The following SNTB1 variants were observed in gnomAD, a reference collection of about 807,000 sequenced individuals.
SNTB1 encodes syntrophin beta 1.
Under a neutral mutation model 48.9 loss-of-function variants are expected in SNTB1, and 36 were observed. That is an observed-to-expected ratio of 0.74 (90% CI 0.56 to 0.97). The LOEUF is 0.97. Ranked by LOEUF, SNTB1 falls within the 50% of genes least tolerant of loss-of-function variation. The pLI, the probability that SNTB1 is intolerant of heterozygous loss-of-function variation, is 0.00. For synonymous variants in SNTB1, 299 were observed against 294.6 expected (o/e 1.01, Z -0.15); for missense variants, 786 against 703.4 (o/e 1.12, Z -1.33).
At chr8:120,591,663 C>T (rs1253214425) in intron 3 of SNTB1, among the ~76,000 whole-genome samples, 1 of 152,148 alleles carries the variant, frequency 6.6e-6, no homozygotes, top group Admixed American at 6.6e-5. Flanking sequence ...CCTATTCTGG[C>T]ATCTCTTCTT....
intron 2 of SNTB1, among the ~76,000 whole-genome samples, chr8:120,674,290 A>C (rs187894317): frequency 6.6e-6 from 1 of 152,172 alleles, no homozygotes; most frequent in Admixed American, 6.5e-5. Context: ...TCATCAGTTC[A>C]TCCAGCCATC....
chr8:120,613,030 T>G (rs1191844482), intron 3 of SNTB1, among the ~76,000 whole-genome samples: 1 of 152,172 alleles, frequency 6.6e-6, no homozygotes, highest in Non-Finnish European at 1.5e-5. Context: ...AATATTGCAT[T>G]TTCTCACTCT....
chr8:120,635,018 A>AT (rs1348973144), intron 2 of SNTB1, among the ~76,000 whole-genome samples: 21 of 152,048 alleles, frequency 1.4e-4, no homozygotes, highest in Admixed American at 1.3e-3. Flanking sequence ...CACCCAGCTA[A>AT]TTTTTTTGGT....
intron 5 of SNTB1, among the ~76,000 whole-genome samples, chr8:120,544,714 T>C (rs1815347727): frequency 6.6e-6 from 1 of 152,108 alleles, no homozygotes; most frequent in Non-Finnish European, 1.5e-5. Context: ...TCTGAACTTC[T>C]CTGTTATTAC....
intron 2 of SNTB1, 22 bp from the exon 3 acceptor site, chr8:120,632,673 G>T: frequency 6.2e-7 from 1 of 1,609,824 alleles, no homozygotes; most frequent in Non-Finnish European, 8.5e-7. Context: ...CAGAGAGAAG[G>T]GTTAGAAAGT....
intron 2 of SNTB1, among the ~76,000 whole-genome samples, chr8:120,643,976 G>T (rs1260853226): frequency 6.6e-6 from 1 of 152,062 alleles, no homozygotes; most frequent in African/African-American, 2.4e-5. Flanking sequence ...GGCTCCACTA[G>T]GATACAAGGA....
intron 2 of SNTB1, chr8:120,655,169 TTAGAAAA>T: frequency 4.2e-6 from 1 of 238,572 alleles, no homozygotes; most frequent in Non-Finnish European, 8.4e-6. Flanking sequence ...CAGGAAAAAA[TTAGAAAA>T]CTTAAAAAAA....
At chr8:120,566,575 G>T (rs549565583) in intron 4 of SNTB1, among the ~76,000 whole-genome samples, 1 of 152,190 alleles carries the variant, frequency 6.6e-6, no homozygotes, top group Non-Finnish European at 1.5e-5. Context: ...AGCCCCAAAT[G>T]GACTCGGACA....
intron 1 of SNTB1, among the ~76,000 whole-genome samples, chr8:120,739,676 G>C (rs1819011116): frequency 6.6e-6 from 1 of 152,152 alleles, no homozygotes; most frequent in Non-Finnish European, 1.5e-5. Flanking sequence ...TTGGACTGGG[G>C]AATTAAACAC....
At chr8:120,543,679 C>T (rs1045792145) in intron 5 of SNTB1, among the ~76,000 whole-genome samples, 1 of 152,146 alleles carries the variant, frequency 6.6e-6, no homozygotes, top group Non-Finnish European at 1.5e-5. Context: ...GGCGGGGAGG[C>T]CTCCAAAGTT....
intron 2 of SNTB1, among the ~76,000 whole-genome samples, chr8:120,678,081 G>A (rs886201642): frequency 6.6e-6 from 1 of 151,806 alleles, no homozygotes; most frequent in African/African-American, 2.4e-5. Context: ...TTTATTCTAG[G>A]GTGAAAAAAA....
chr8:120,607,896 C>T (rs922454769), intron 3 of SNTB1, among the ~76,000 whole-genome samples: 5 of 152,226 alleles, frequency 3.3e-5, no homozygotes, highest in South Asian at 2.1e-4. Context: ...ATGCACAGTT[C>T]GTGAAAGGAT....
chr8:120,692,031 C>A lies in SNTB1; in HGVS notation c.788+1661G>T, dbSNP rs554521807. On this transcript the variant is annotated intron_variant, in intron 2 of 6. Coordinates refer to ENST00000517992, the MANE Select transcript of SNTB1 (RefSeq NM_021021.4). ...AACAGAGAACAGGGTGAGAGTGGAC[C>A]AGCTATGAGCTCTGTGTCCTTCCCA... 9.2e-5 allele frequency among the ~76,000 whole-genome samples: 14 copies of A among 152,294 alleles called. No individual in the cohort carries two copies. The East Asian group carries it at 1.7e-3, about 19-fold the overall frequency.
At chr8:120,630,750 T>C (rs894516115) in intron 3 of SNTB1, among the ~76,000 whole-genome samples, 2 of 152,164 alleles carry the variant, frequency 1.3e-5, no homozygotes, top group Non-Finnish European at 2.9e-5. Flanking sequence ...TGCAAATGAC[T>C]TAGGTGAGGC....
chr8:120,567,611 CG>C (rs1815775180), intron 4 of SNTB1, among the ~76,000 whole-genome samples: 1 of 151,846 alleles, frequency 6.6e-6, no homozygotes, highest in South Asian at 2.1e-4. Flanking sequence ...TTTGTAGAGA[CG>C]GATCCTCCAT....
chr8:120,717,416 T>C (rs1818578699), intron 1 of SNTB1, among the ~76,000 whole-genome samples: 1 of 152,206 alleles, frequency 6.6e-6, no homozygotes, highest in Non-Finnish European at 1.5e-5. Context: ...GCTGAAGGAA[T>C]GCTTGGGTGA....
intron 1 of SNTB1, among the ~76,000 whole-genome samples, chr8:120,745,292 C>T (rs1340341226): frequency 6.6e-6 from 1 of 152,050 alleles, no homozygotes; most frequent in East Asian, 1.9e-4. Flanking sequence ...CCCACTGTCA[C>T]TAGTCCCTGA....
At chr8:120,803,652 T>C (rs1385677904) in intron 1 of SNTB1, among the ~76,000 whole-genome samples, 2 of 152,272 alleles carry the variant, frequency 1.3e-5, no homozygotes, top group African/African-American at 2.4e-5. Context: ...ACACACTCCA[T>C]GGGGTGACTG....
chr8:120,547,394 G>A (rs563082848), intron 5 of SNTB1, among the ~76,000 whole-genome samples: 1 of 151,924 alleles, frequency 6.6e-6, no homozygotes, highest in Non-Finnish European at 1.5e-5. Context: ...TCAGGAGTTC[G>A]AGACCAGCCT....
Sources: gnomAD v4.1 joint callset for allele counts (sites outside exome capture counted in the v4.1 genomes callset) on GRCh38, gnomAD v4.1.1 for gene constraint, MANE v1.5 for transcripts, NCBI Gene and HGNC (gene_info 2026-07-23, HGNC 2026-07-21) for gene names.